Variants in POU3F3 observed in about 807,000 individuals in gnomAD.
The protein encoded by POU3F3 is POU class 3 homeobox 3, also known as POU domain, class 3, transcription factor 3.
A neutral mutation model predicts 8.6 loss-of-function variants in POU3F3; 1 was observed. That is an observed-to-expected ratio of 0.12 (90% CI 0.04 to 0.55). POU3F3 has a LOEUF of 0.55. Among genes scored for constraint, POU3F3 ranks in the 20% least tolerant of loss-of-function variants. POU3F3 has a pLI of 0.91. For missense variants in POU3F3, 577 were observed against 690.7 expected (o/e 0.84, Z 1.84); for synonymous variants, 418 against 327.4 (o/e 1.28, Z -2.99).
At chr2:104,872,182 C>T in the POU3F3 span, 4 of 453,556 alleles carry the variant, frequency 8.8e-6, no homozygotes, top group Non-Finnish European at 1.3e-5. This position sits in a 1 kb window ranked among gnomAD's most constrained non-coding sequence, Gnocchi z 4.6. Context: ...CTGCGCCCGC[C>T]GGCTGCGCCC....
In POU3F3 at chr2:104,856,979, C is replaced by T; in HGVS notation, c.1469C>T (p.Pro490Leu). The change falls in exon 1 of 1, where the codon CCG (proline) becomes CTG (leucine). Residue 490 changes from proline (P) to leucine (L), a missense_variant. By Grantham distance (98) the Pro-to-Leu change is moderately conservative. Coordinates refer to ENST00000361360, the MANE Select transcript of POU3F3 (RefSeq NM_006236.3). ...GGCACCGTGAGCGCCGACACGCCGC[C>T]GCCTCACCACGGGCTGCAGACGAGC... ...QVGTVSADTP[P>L]PHHGLQTSVQ The T allele has an allele frequency of 6.2e-7, 1 of 1,609,590 alleles. No homozygotes were observed. The highest frequency in any genetic ancestry group is 8.5e-7 in the Non-Finnish European group (1 of 1,178,800).
In POU3F3 at chr2:104,855,193, C is replaced by G. The variant is rs550316934; in HGVS notation, c.-318C>G. Among the ~76,000 whole-genome samples, 9 of 151,786 alleles carry G rather than the reference C, an allele frequency of 5.9e-5. No individual in the cohort carries two copies. The highest frequency in any genetic ancestry group is 2.2e-4 in the African/African-American group (9 of 41,506). On this transcript the variant is annotated 5_prime_UTR_variant, in exon 1 of 1. Coordinates refer to ENST00000361360, the MANE Select transcript of POU3F3 (RefSeq NM_006236.3). Reference sequence around the variant, plus strand: ...GCACCCCGAGAAGCGAGCCCCCCTCCCCAGAGCGCTGCTCCTGCGGCTGCT... The same window carrying G: ...GCACCCCGAGAAGCGAGCCCCCCTCGCCAGAGCGCTGCTCCTGCGGCTGCT...
the POU3F3 span, among the ~76,000 whole-genome samples, chr2:104,899,818 C>T: frequency 2.6e-5 from 4 of 152,166 alleles, no homozygotes; most frequent in Non-Finnish European, 4.4e-5. Context: ...GGGAGGGGAC[C>T]GTGATGCCAT....
chr2:104,922,101 A>C, the POU3F3 span, among the ~76,000 whole-genome samples: 1 of 152,328 alleles, frequency 6.6e-6, no homozygotes, highest in East Asian at 1.9e-4. Context: ...TTAAGTTTAT[A>C]CCTCATGCTA....
At chr2:104,889,538 T>G in the POU3F3 span, among the ~76,000 whole-genome samples, 1 of 152,072 alleles carries the variant, frequency 6.6e-6, no homozygotes, top group Admixed American at 6.5e-5. Context: ...ACCTTACAAA[T>G]GGGAAAACCA....
the POU3F3 span, among the ~76,000 whole-genome samples, chr2:104,888,647 A>C: frequency 1.9e-4 from 29 of 152,244 alleles, no homozygotes; most frequent in Admixed American, 1.2e-3. Flanking sequence ...AGTATCTGTT[A>C]AGATGCATCA....
At chr2:104,919,266 CT>C in the POU3F3 span, among the ~76,000 whole-genome samples, 3 of 152,230 alleles carry the variant, frequency 2.0e-5, no homozygotes, top group East Asian at 5.8e-4. Context: ...ACATCTTGCT[CT>C]CTGGGAGGAA....
At chr2:104,864,024 G>A in the POU3F3 span, among the ~76,000 whole-genome samples, 1 of 152,204 alleles carries the variant, frequency 6.6e-6, no homozygotes, top group Non-Finnish European at 1.5e-5. Context: ...CCACGCCTCC[G>A]CTTCCCGCGT....
At chr2:104,880,888 C>G in the POU3F3 span, among the ~76,000 whole-genome samples, 5 of 152,170 alleles carry the variant, frequency 3.3e-5, no homozygotes, top group Admixed American at 3.3e-4. Context: ...CCATTGAAGT[C>G]TGCCCTGTAC....
chr2:104,919,627 T>C, the POU3F3 span, among the ~76,000 whole-genome samples: 1 of 152,324 alleles, frequency 6.6e-6, no homozygotes, highest in African/African-American at 2.4e-5. Context: ...CTGTGTTCTA[T>C]TTACTTCTCT....
chr2:104,879,099 G>A, the POU3F3 span, among the ~76,000 whole-genome samples: 1 of 151,118 alleles, frequency 6.6e-6, no homozygotes, highest in Non-Finnish European at 1.5e-5. Flanking sequence ...ACACCACACA[G>A]AGCACACAAC....
the POU3F3 span, chr2:104,926,050 A>G: frequency 6.6e-6 from 1 of 152,206 alleles, no homozygotes; most frequent in African/African-American, 2.4e-5. Flanking sequence ...ATGGGCAAAG[A>G]CTTCATGACA....
downstream of POU3F3, among the ~76,000 whole-genome samples, chr2:104,862,401 C>A (rs868337812): frequency 2.6e-5 from 4 of 152,220 alleles, no homozygotes; most frequent in African/African-American, 4.8e-5. Flanking sequence ...AGCGGAAATT[C>A]GCAGTCTGGA....
chr2:104,900,063 G>A, the POU3F3 span, among the ~76,000 whole-genome samples: 1 of 152,238 alleles, frequency 6.6e-6, no homozygotes, highest in Non-Finnish European at 1.5e-5. Context: ...CAGATAGTTT[G>A]TCTACGCACT....
At chr2:104,896,939 GGGACTCT>G in the POU3F3 span, among the ~76,000 whole-genome samples, 1 of 152,248 alleles carries the variant, frequency 6.6e-6, no homozygotes, top group African/African-American at 2.4e-5. Flanking sequence ...TTCAAATCAA[GGGACTCT>G]GGCTGTTGGA....
chr2:104,875,638 A>T, the POU3F3 span, among the ~76,000 whole-genome samples: 2 of 152,216 alleles, frequency 1.3e-5, no homozygotes, highest in Admixed American at 1.3e-4. Context: ...ATTAGCTACA[A>T]GTTTTAGCAG....
the POU3F3 span, among the ~76,000 whole-genome samples, chr2:104,892,780 T>A: frequency 5.2e-4 from 79 of 151,050 alleles, no homozygotes; most frequent in Admixed American, 2.6e-4. Context: ...ACTGCCTGGA[T>A]CGAAACTCCT....
the POU3F3 span, among the ~76,000 whole-genome samples, chr2:104,898,589 T>C: frequency 6.6e-6 from 1 of 152,196 alleles, no homozygotes; most frequent in Non-Finnish European, 1.5e-5. Context: ...GACTGTCGTA[T>C]TTTATGACTA....
the POU3F3 span, among the ~76,000 whole-genome samples, chr2:104,875,393 GT>G: frequency 6.6e-6 from 1 of 151,980 alleles, no homozygotes; most frequent in Admixed American, 6.6e-5. Context: ...TTTCTTTTTT[GT>G]TTTTTGAGGA....
Sources: allele counts gnomAD v4.1 joint callset (sites outside exome capture counted in the v4.1 genomes callset), GRCh38; gene constraint gnomAD v4.1.1; non-coding constraint Gnocchi (gnomAD v3.1); transcripts MANE v1.5; gene names NCBI Gene and HGNC (gene_info 2026-07-23, HGNC 2026-07-21).